Variants in MTHFD1L observed in about 807,000 individuals in gnomAD.
MTHFD1L encodes methylenetetrahydrofolate dehydrogenase (NADP+ dependent) 1 like.
MTHFD1L carries 81 observed loss-of-function variants against 119.5 expected under a neutral mutation model. The observed-to-expected ratio is 0.68, with a 90% CI of 0.57 to 0.82. MTHFD1L has a LOEUF of 0.82. Ranked by LOEUF, MTHFD1L falls within the 40% of genes least tolerant of loss-of-function variation. MTHFD1L has a pLI of 0.00. For missense variants in MTHFD1L, 1,125 were observed against 1,253.4 expected (o/e 0.90, Z 1.55); for synonymous variants, 430 against 475.2 (o/e 0.90, Z 1.24).
At chr6:151,056,290 T>G (rs1789910213) in intron 26 of MTHFD1L, among the ~76,000 whole-genome samples, 3 of 152,166 alleles carry the variant, frequency 2.0e-5, no homozygotes, top group African/African-American at 7.2e-5. Flanking sequence ...AGACTTGATT[T>G]GGGTACACAG....
At chr6:150,966,347 A>G (rs1240283965) in intron 19 of MTHFD1L, among the ~76,000 whole-genome samples, 4 of 152,134 alleles carry the variant, frequency 2.6e-5, no homozygotes, top group African/African-American at 9.7e-5. Flanking sequence ...AGTGCTACAC[A>G]CTTTTAAACA....
intron 27 of MTHFD1L, among the ~76,000 whole-genome samples, chr6:151,094,266 CCTT>C (rs1794707647): frequency 6.6e-6 from 1 of 152,320 alleles, no homozygotes; most frequent in African/African-American, 2.4e-5. Context: ...GGCCTAAAGA[CCTT>C]CTTCTTCAAC....
chr6:150,874,124 G>A (rs1304868979), intron 1 of MTHFD1L, among the ~76,000 whole-genome samples: 1 of 152,046 alleles, frequency 6.6e-6, no homozygotes, highest in Non-Finnish European at 1.5e-5. Flanking sequence ...GCGGTATATG[G>A]GCCTCAGTCA....
At chr6:150,911,072 T>G (rs760624353) in intron 8 of MTHFD1L, among the ~76,000 whole-genome samples, 1 of 152,224 alleles carries the variant, frequency 6.6e-6, no homozygotes, top group Non-Finnish European at 1.5e-5. Flanking sequence ...TTCTGGATAT[T>G]CTAGATCTAT....
chr6:150,880,187 C>T lies in MTHFD1L; in HGVS notation c.417+2361C>T, dbSNP rs545172054. On this transcript the variant is annotated intron_variant, in intron 4 of 27. Coordinates refer to ENST00000367321, the MANE Select transcript of MTHFD1L (RefSeq NM_015440.5). Reference sequence around the variant, plus strand: ...TTAGTCACTCTACTATGTAAGAGAACACTGGAATTTATTCCTCCTATCTAA... The same window carrying T: ...TTAGTCACTCTACTATGTAAGAGAATACTGGAATTTATTCCTCCTATCTAA... Among the ~76,000 whole-genome samples, 99 of 152,242 alleles carry T rather than the reference C, an allele frequency of 6.5e-4. 4 individuals are homozygous for T. The South Asian group carries it at 0.017, about 26-fold the overall frequency.
intron 15 of MTHFD1L, among the ~76,000 whole-genome samples, chr6:150,946,978 G>A (rs528419596): frequency 1.3e-5 from 2 of 151,654 alleles, no homozygotes; most frequent in South Asian, 2.1e-4. Flanking sequence ...GGGAGGCTGG[G>A]GCAGGAGAAT....
chr6:150,871,571 G>A (rs1372659562), intron 1 of MTHFD1L, among the ~76,000 whole-genome samples: 4 of 136,878 alleles, frequency 2.9e-5, no homozygotes, highest in East Asian at 2.1e-4. Flanking sequence ...CTGCGATCTC[G>A]GCTCGCTGGA....
chr6:151,052,288 A>G lies in MTHFD1L; in HGVS notation c.2847+15171A>G, dbSNP rs13220757. Among the ~76,000 whole-genome samples, 1,001 of 152,280 alleles carry G rather than the reference A, an allele frequency of 6.6e-3. 5 individuals carry two copies. Among genetic ancestry groups the G allele is most frequent in the Middle Eastern group, 0.024 (7 of 294 alleles). ...GGGAGTTGTTTACATTGGGAGTGAT[A>G]TACAGTCTCTACATTTCCATCCAGT... On this transcript the variant is annotated intron_variant, in intron 26 of 27. Transcript: ENST00000367321.
chr6:150,898,918 A>G (rs1221141238), intron 7 of MTHFD1L: 1 of 1,008,226 alleles, frequency 9.9e-7, no homozygotes, highest in Non-Finnish European at 1.2e-6. Flanking sequence ...GCTCACTGCA[A>G]GCTCTGCCTC....
rs1323786909 is a variant in MTHFD1L at position 150,980,731 on chromosome 6, GAAAGA to G, written c.2125+8684_2125+8688del. On this transcript the variant is annotated intron_variant, in intron 20 of 27. Transcript: ENST00000367321. ...TCTCTAAAAAAAAAAAAAAAAGAAA[GAAAGA>G]AAAGAAAAGAGAGAAGAGAAGAAAT... 2.0e-5 allele frequency among the ~76,000 whole-genome samples: 3 copies of G among 147,742 alleles called. No individual in the cohort carries two copies. In the Admixed American group the frequency reaches 2.0e-4, roughly 10 times the overall value.
chr6:150,932,448 A>G (rs1026469582), intron 11 of MTHFD1L, among the ~76,000 whole-genome samples: 4 of 152,078 alleles, frequency 2.6e-5, no homozygotes, highest in Non-Finnish European at 5.9e-5. Flanking sequence ...TCACAGTTCC[A>G]TCTCTATGAA....
intron 8 of MTHFD1L, among the ~76,000 whole-genome samples, chr6:150,914,489 C>T (rs1787509064): frequency 6.6e-6 from 1 of 152,020 alleles, no homozygotes; most frequent in African/African-American, 2.4e-5. Flanking sequence ...GAGACCCCGT[C>T]TCTATAAAAC....
At chr6:150,917,719 T>C (rs1184752834) in intron 8 of MTHFD1L, among the ~76,000 whole-genome samples, 1 of 152,202 alleles carries the variant, frequency 6.6e-6, no homozygotes, top group African/African-American at 2.4e-5. Flanking sequence ...CACAAAATTT[T>C]AGGAGGTTGA....
rs996984452 is a variant in MTHFD1L, at chr6:150,865,793, G to T, written c.-30G>T. The T allele has an allele frequency of 7.4e-5, 95 of 1,291,344 alleles. No homozygotes were observed. The highest frequency in any genetic ancestry group is 4.4e-5 in the Non-Finnish European group (45 of 1,012,970). 80.0% of individuals were successfully genotyped at this position (1,291,344 alleles called of 1,614,324 possible). A position where few individuals can be genotyped will look rare whatever the true frequency, so the allele number is the denominator to read the frequency against. On this transcript the variant is annotated 5_prime_UTR_variant, in exon 1 of 28. Coordinates refer to ENST00000367321, the MANE Select transcript of MTHFD1L (RefSeq NM_015440.5). ...CGCCGCCCTCGGCAGCCGCAGCTCC[G>T]TGTCCCCTGAGAACCAGCCGTCCCG...
chr6:151,041,939 A>G (rs1282763464), intron 26 of MTHFD1L: 1 of 402,974 alleles, frequency 2.5e-6, no homozygotes, highest in Non-Finnish European at 5.0e-6. Context: ...ATTTACTTTT[A>G]CTTTCCATGT....
chr6:150,959,997 C>T (rs1203949562), intron 17 of MTHFD1L, among the ~76,000 whole-genome samples: 2 of 152,206 alleles, frequency 1.3e-5, no homozygotes, highest in Admixed American at 1.3e-4. Context: ...TGTGGTAGTG[C>T]TGTGAGCGGG....
chr6:150,989,172 A>G (rs1456715652), intron 20 of MTHFD1L, among the ~76,000 whole-genome samples: 2 of 152,264 alleles, frequency 1.3e-5, no homozygotes, highest in East Asian at 3.8e-4. Flanking sequence ...TGCAAATTAC[A>G]AACTGCTTGG....
Position 150,885,299 on chromosome 6 carries a change from C to T in MTHFD1L, c.543-335C>T, listed in dbSNP as rs1382822984. ...GCAACCTCTGCCTCCCAGGTTCAAG[C>T]GATCCTCCTGCCTCAGCCCCCTAGT... On this transcript the variant is annotated intron_variant, in intron 5 of 27. Transcript: ENST00000367321. Among the ~76,000 whole-genome samples the T allele has an allele frequency of 6.6e-5, 10 of 151,530 alleles. No homozygotes were observed. In the South Asian group the frequency reaches 1.0e-3, roughly 16 times the overall value.
chr6:151,055,397 C>G (rs117108676), intron 26 of MTHFD1L, among the ~76,000 whole-genome samples: 1 of 152,128 alleles, frequency 6.6e-6, no homozygotes, highest in Non-Finnish European at 1.5e-5. Flanking sequence ...ATCTCCATCT[C>G]GGTTTTACAT....
Sources: allele counts gnomAD v4.1 joint callset (sites outside exome capture counted in the v4.1 genomes callset), GRCh38; gene constraint gnomAD v4.1.1; transcripts MANE v1.5; gene names NCBI Gene and HGNC (gene_info 2026-07-23, HGNC 2026-07-21).